Variants in EGF observed in about 807,000 individuals in gnomAD.
EGF encodes pro-epidermal growth factor.
A neutral mutation model predicts 143.8 loss-of-function variants in EGF; 95 were observed. The observed-to-expected ratio is 0.66, with a 90% CI of 0.56 to 0.78. EGF has a LOEUF of 0.78. Ranked by LOEUF, EGF falls within the 30% of genes least tolerant of loss-of-function variation. The pLI, the probability that EGF is intolerant of heterozygous loss-of-function variation, is 0.00. For synonymous variants in EGF, 510 were observed against 510.5 expected (o/e 1.00, Z 0.01); for missense variants, 1,320 against 1,470.9 (o/e 0.90, Z 1.68).
At chr4:109,961,121 T>C in intron 7 of EGF, 132 bp downstream of exon 7, 1 of 1,085,118 alleles carries the variant, frequency 9.2e-7, no homozygotes, top group Non-Finnish European at 1.4e-6. Context: ...TTTTATTTTG[T>C]TTGGCTTTTT....
rs1183527480 is a variant in EGF at position 109,988,603 on chromosome 4, G to A, written c.2628G>A (p.Met876Ile). The A allele has an allele frequency of 1.9e-6, 3 of 1,614,034 alleles. No homozygotes were observed. The highest frequency in any genetic ancestry group is 2.5e-6 in the Non-Finnish European group (3 of 1,179,912). Residue 876 changes from methionine (M) to isoleucine (I), a missense_variant, in exon 18 of 24, where the codon ATG becomes ATA. Met to Ile is a conservative substitution (Grantham distance 10). This residue lies in a region of EGF where 1,186 missense variants were observed against 1,313.7 expected (regional missense o/e 0.90). Coordinates refer to ENST00000265171, the MANE Select transcript of EGF (RefSeq NM_001963.6). ...CCACAGATATAGATGAATGTGAGAT[G>A]GGTGTCCCAGTGTGCCCCCCTGCCT... ...KLCSDIDECE[M>I]GVPVCPPASS...
intron 1 of EGF, among the ~76,000 whole-genome samples, chr4:109,918,334 A>G (rs915905970): frequency 1.3e-5 from 2 of 151,676 alleles, no homozygotes; most frequent in African/African-American, 4.9e-5. Flanking sequence ...GTAATGGTAG[A>G]AACAGAAATG....
intron 5 of EGF, among the ~76,000 whole-genome samples, chr4:109,945,640 A>G (rs1478669592): frequency 1.3e-5 from 2 of 152,188 alleles, no homozygotes; most frequent in African/African-American, 2.4e-5. Context: ...TTATATATAC[A>G]TGGGAGAAAT....
rs566184770 is a variant in EGF at position 109,969,156 on chromosome 4, G to A, written c.1724+37G>A. ...GCTTCAGTTTTAAGCTGTGTGAGAT[G>A]GGAGTGATGGGATAGGTAATACTAT... is the stretch of plus-strand genomic sequence containing the variant. On this transcript the variant is annotated intron_variant, in intron 11 of 23. Coordinates refer to ENST00000265171, the MANE Select transcript of EGF (RefSeq NM_001963.6). 6 of 1,613,006 alleles carry A rather than the reference G, an allele frequency of 3.7e-6. No individual in the cohort carries two copies. The African/African-American group carries it at 8.0e-5, about 22-fold the overall frequency.
chr4:109,945,119 TC>T lies in EGF; in HGVS notation c.785del (p.Ser262Ter). 1 of 1,614,224 alleles carries T rather than the reference TC, an allele frequency of 6.2e-7. No individual in the cohort carries two copies. Among genetic ancestry groups the T allele is most frequent in the Non-Finnish European group, 8.5e-7 (1 of 1,180,032 alleles). The part of the protein sequence containing the change: ...MSLFGDRIFY[S>X]TWKMKTIWIA... ...CCTTTTTGGTGACCGTATCTTCTAT[TC>T]AACATGGAAAATGAAGACAATTTGG... On this transcript the variant is annotated frameshift_variant, in exon 5 of 24. Transcript: ENST00000265171. LOFTEE classifies it high-confidence loss of function.
intron 4 of EGF, among the ~76,000 whole-genome samples, 160 bp from the exon 5 acceptor site, chr4:109,944,913 A>G (rs1014295833): frequency 6.6e-6 from 1 of 152,242 alleles, no homozygotes; most frequent in Non-Finnish European, 1.5e-5. Flanking sequence ...GAGGAGATAA[A>G]TAAAATTTTA....
chr4:109,971,366 C>T (rs754331920), intron 11 of EGF, among the ~76,000 whole-genome samples: 20 of 152,110 alleles, frequency 1.3e-4, no homozygotes, highest in Non-Finnish European at 2.4e-4. Flanking sequence ...TTTTAAATGT[C>T]GGCTGTGTAT....
chr4:109,969,262 G>T (rs933074684), intron 11 of EGF, 143 bp downstream of exon 11: 2 of 1,042,494 alleles, frequency 1.9e-6, no homozygotes, highest in African/African-American at 3.2e-5. Flanking sequence ...CACCATTGCG[G>T]TCCACACTCC....
At chr4:109,977,120 T>A (rs1337621001) in intron 13 of EGF, 1 of 152,170 alleles carries the variant, frequency 6.6e-6, no homozygotes, top group African/African-American at 2.4e-5. Flanking sequence ...TATTAAAAAT[T>A]ATTGTGCATA....
intron 11 of EGF, among the ~76,000 whole-genome samples, chr4:109,972,902 G>T (rs1265791982): frequency 6.6e-6 from 1 of 152,180 alleles, no homozygotes. Context: ...CTGTAAAACC[G>T]GGAGGAGGGA....
chr4:109,966,865 C>T (rs1388758952), intron 10 of EGF, among the ~76,000 whole-genome samples: 1 of 151,944 alleles, frequency 6.6e-6, no homozygotes, highest in Non-Finnish European at 1.5e-5. Context: ...TGTTTATGTC[C>T]TTTGCCCACT....
At chr4:109,988,471 C>T (rs1346258792) in intron 17 of EGF, 113 bp from the exon 18 acceptor site, 2 of 1,507,690 alleles carry the variant, frequency 1.3e-6, no homozygotes, top group Non-Finnish European at 1.8e-6. Context: ...GGCAACAGCA[C>T]CTGTAAAGGA....
At chr4:109,962,943 T>G (rs1426306182) in intron 8 of EGF, among the ~76,000 whole-genome samples, 1 of 151,734 alleles carries the variant, frequency 6.6e-6, no homozygotes, top group Non-Finnish European at 1.5e-5. Flanking sequence ...GGCGGGTGCC[T>G]GTAATCCCAG....
chr4:109,985,562 G>GT (rs1750008425), intron 16 of EGF, among the ~76,000 whole-genome samples: 1 of 152,180 alleles, frequency 6.6e-6, no homozygotes, highest in African/African-American at 2.4e-5. Context: ...TGTGCTAGTT[G>GT]TTTTTTCAGC....
Position 109,969,037 on chromosome 4 carries a change from A to C in EGF, c.1642A>C (p.Arg548=). ...TAATATGGATGGTTCCCAGCGAGAA[A>C]GGCTTATTGAGGAAGGAGTAGATGT... ...RANMDGSQRE[R]LIEEGVDVPE... The change falls in exon 11 of 24, where the codon AGG becomes CGG. Residue 548 remains arginine, a synonymous_variant. Transcript: ENST00000265171. 1.2e-6 allele frequency: 2 copies of C among 1,614,186 alleles called. No individual in the cohort carries two copies. Among genetic ancestry groups the C allele is most frequent in the Non-Finnish European group, 1.7e-6 (2 of 1,180,022 alleles).
intron 5 of EGF, among the ~76,000 whole-genome samples, chr4:109,950,863 G>T (rs547900644): frequency 1.1e-3 from 173 of 152,146 alleles, no homozygotes; most frequent in Non-Finnish European, 2.1e-3. Flanking sequence ...TATTCTCAGG[G>T]AATGTGTTCT....
chr4:109,961,808 A>G, intron 7 of EGF, 55 bp from the exon 8 acceptor site: 1 of 1,608,560 alleles, frequency 6.2e-7, no homozygotes, highest in Non-Finnish European at 8.5e-7. Context: ...TGATTGCAAT[A>G]AATTTTTGCA....
At position 109,941,053 on chromosome 4, in the gene EGF, A is replaced by G; in HGVS notation, c.235A>G (p.Met79Val). 2 of 1,614,042 alleles carry G rather than the reference A, an allele frequency of 1.2e-6. No individual in the cohort carries two copies. The highest frequency in any genetic ancestry group is 1.7e-6 in the Non-Finnish European group (2 of 1,179,942). The change falls in exon 2 of 24, where the codon ATG becomes GTG. Residue 79 changes from methionine to valine, a missense_variant. Transcript: ENST00000265171. ...GGTGGATGCTGGTGTCTCAGTGATCATGGATTTTCATTATAATGAGAAAAG... is the reference window on the plus strand; with the variant it reads ...GGTGGATGCTGGTGTCTCAGTGATCGTGGATTTTCATTATAATGAGAAAAG... Reference protein sequence around the residue: ...LVVDAGVSVIMDFHYNEKRIY... With the variant: ...LVVDAGVSVIVDFHYNEKRIY...
At position 110,011,361 on chromosome 4, in the gene EGF, G is replaced by A; in HGVS notation, c.3530G>A (p.Gly1177Glu). 1.2e-6 allele frequency: 2 copies of A among 1,614,104 alleles called. No individual in the cohort carries two copies. Among genetic ancestry groups the A allele is most frequent in the Non-Finnish European group, 1.7e-6 (2 of 1,180,020 alleles). The change falls in exon 24 of 24, where the codon GGG becomes GAG. Residue 1177 changes from glycine to glutamate, a missense_variant. Around this residue, in one of 5 missense-constraint regions of EGF, gnomAD observed 1,186 missense variants for 1,313.7 expected, o/e 0.90. Coordinates refer to ENST00000265171, the MANE Select transcript of EGF (RefSeq NM_001963.6). The stretch of plus-strand genomic sequence containing the variant: ...TCCTATGGGACACAGACCCTTGAAG[G>A]GGGTGTCGAGAAGCCCCATTCTCTC... ...MPSYGTQTLE[G>E]GVEKPHSLLS...
Sources: gnomAD v4.1 joint callset for allele counts (sites outside exome capture counted in the v4.1 genomes callset) on GRCh38, gnomAD v4.1.1 for gene constraint, gnomAD v4.1.1 regional missense constraint, MANE v1.5 for transcripts, NCBI Gene and HGNC (gene_info 2026-07-23, HGNC 2026-07-21) for gene names.